Variants in CKS1B observed in about 807,000 individuals in gnomAD.
CKS1B encodes the protein CDC28 protein kinase regulatory subunit 1B.
A neutral mutation model predicts 12.2 loss-of-function variants in CKS1B; 5 were observed. The ratio of observed to expected loss-of-function variants is 0.41; its 90% CI spans 0.21 to 0.86. CKS1B has a LOEUF of 0.86. Among genes scored for constraint, CKS1B ranks in the 40% least tolerant of loss-of-function variants. The pLI is 0.32. For synonymous variants in CKS1B, 24 were observed against 34.4 expected (o/e 0.70, Z 1.06); for missense variants, 53 against 99.9 (o/e 0.53, Z 2.00).
At chr1:154,976,629 G>C (rs1657193426) in intron 1 of CKS1B, among the ~76,000 whole-genome samples, 1 of 152,200 alleles carries the variant, frequency 6.6e-6, no homozygotes. Flanking sequence ...GCTTATAAGA[G>C]ATTTGTGGAG....
intron 1 of CKS1B, chr1:154,977,729 T>C (rs976955078): frequency 2.3e-6 from 1 of 435,782 alleles, no homozygotes; most frequent in Non-Finnish European, 4.1e-6. Context: ...ATAAGGTCCA[T>C]GAAGGCGGAG....
At position 154,974,771 on chromosome 1, in the gene CKS1B, C is replaced by T; in HGVS notation, c.26C>T (p.Ser9Leu). The stretch of plus-strand genomic sequence containing the variant: ...ATGTCGCACAAACAAATTTACTATT[C>T]GGACAAATACGACGACGAGGAGTTT... The part of the protein sequence containing the change: MSHKQIYY[S>L]DKYDDEEFEY... The change falls in exon 1 of 3, where the codon TCG (serine) becomes TTG (leucine). Residue 9 changes from serine (S) to leucine (L), a missense_variant. Ser to Leu is a moderately radical substitution (Grantham distance 145, BLOSUM62 -2). Coordinates refer to ENST00000308987, the MANE Select transcript of CKS1B (RefSeq NM_001826.3). 1 of 1,612,546 alleles carries T rather than the reference C, an allele frequency of 6.2e-7. No individual in the cohort carries two copies. Among genetic ancestry groups the T allele is most frequent in the South Asian group, 1.1e-5 (1 of 90,860 alleles).
chr1:154,975,753 C>T (rs2102226846), intron 1 of CKS1B: 1 of 154,952 alleles, frequency 6.5e-6, no homozygotes, highest in Admixed American at 6.5e-5. Context: ...GGTCTTCTTC[C>T]CTGGGCTTGG....
intron 2 of CKS1B, 43 bp downstream of exon 2, chr1:154,978,157 TGA>T (rs747736332): frequency 1.3e-6 from 2 of 1,585,558 alleles, no homozygotes; most frequent in Non-Finnish European, 1.7e-6. Flanking sequence ...ACTGCTACAC[TGA>T]GAGAATGAAA....
At position 154,978,036 on chromosome 1, in the gene CKS1B, C is replaced by A. The variant is rs757999834; in HGVS notation, c.109C>A (p.Leu37Met). 1.4e-5 allele frequency: 22 copies of A among 1,614,004 alleles called. No individual in the cohort carries two copies. The Admixed American group carries it at 3.2e-4, about 23-fold the overall frequency. Residue 37 changes from leucine (L) to methionine (M), a missense_variant, in exon 2 of 3, where the codon CTG (leucine) becomes ATG (methionine). Coordinates refer to ENST00000308987, the MANE Select transcript of CKS1B (RefSeq NM_001826.3). ...DIAKLVPKTH[L>M]MSESEWRNLG... Reference sequence around the variant, plus strand: ...AGCCAAGCTGGTCCCTAAAACCCATCTGATGTCTGAATCTGAATGGAGGAA... The same window carrying A: ...AGCCAAGCTGGTCCCTAAAACCCATATGATGTCTGAATCTGAATGGAGGAA...
intron 2 of CKS1B, 72 bp downstream of exon 2, chr1:154,978,186 C>A: frequency 6.9e-7 from 1 of 1,455,134 alleles, no homozygotes; most frequent in Non-Finnish European, 9.3e-7. Context: ...GATTGTATAA[C>A]CCAAATAGGG....
intron 1 of CKS1B, among the ~76,000 whole-genome samples, chr1:154,977,070 T>G (rs1415313483): frequency 6.6e-6 from 1 of 152,212 alleles, no homozygotes; most frequent in African/African-American, 2.4e-5. Context: ...TTGCCCAGAC[T>G]GGAGTGCAGT....
chr1:154,978,250 TA>T (rs1301137776), intron 2 of CKS1B, 136 bp downstream of exon 2: 56 of 987,260 alleles, frequency 5.7e-5, no homozygotes, highest in East Asian at 5.9e-5. Flanking sequence ...GGGATTTTTT[TA>T]AAAAAAAACT....
rs754124704 is a variant in CKS1B at position 154,974,837 on chromosome 1, C to A, written c.59+33C>A. The A allele has an allele frequency of 5.0e-6, 8 of 1,613,874 alleles. No homozygotes were observed. In the East Asian group the frequency reaches 1.8e-4, roughly 36 times the overall value. On this transcript the variant is annotated intron_variant, in intron 1 of 2. Transcript: ENST00000308987. ...CTGGCGCGGGAGCAATAGCGAGGGT[C>A]GTGAGCTTTGGCCGCTGAGGGCACA...
chr1:154,978,157 T>A, intron 2 of CKS1B, 43 bp downstream of exon 2: 3 of 1,585,558 alleles, frequency 1.9e-6, no homozygotes, highest in Non-Finnish European at 2.6e-6. Flanking sequence ...ACTGCTACAC[T>A]GAGAGAATGA....
At chr1:154,976,804 T>C (rs939651285) in intron 1 of CKS1B, among the ~76,000 whole-genome samples, 3 of 152,204 alleles carry the variant, frequency 2.0e-5, no homozygotes, top group Non-Finnish European at 2.9e-5. Context: ...TTTTTTCTTT[T>C]AGGAGAATGG....
intron 1 of CKS1B, among the ~76,000 whole-genome samples, chr1:154,976,303 G>A (rs148582803): frequency 6.6e-6 from 1 of 152,310 alleles, no homozygotes; most frequent in African/African-American, 2.4e-5. Context: ...GCATAATCTA[G>A]ATTGGGAATA....
rs1657252552 is a variant in CKS1B, at chr1:154,978,790, A to G, written c.*13A>G. ...ACCAAAGAAATGAAGCTGGCAAGCT[A>G]CTTTTCAGCCTCAAGCTTTACACAG... On this transcript the variant is annotated 3_prime_UTR_variant, in exon 3 of 3. Coordinates refer to ENST00000308987, the MANE Select transcript of CKS1B (RefSeq NM_001826.3). 15 of 1,536,462 alleles carry G rather than the reference A, an allele frequency of 9.8e-6. No homozygotes were observed. Among genetic ancestry groups the G allele is most frequent in the African/African-American group, 2.7e-5 (2 of 73,406 alleles).
chr1:154,974,960 C>G, intron 1 of CKS1B, 156 bp downstream of exon 1: 1 of 1,609,412 alleles, frequency 6.2e-7, no homozygotes, highest in Non-Finnish European at 8.5e-7. Context: ...AAGGCGCATG[C>G]GCGGAGGTGG....
intron 1 of CKS1B, chr1:154,975,065 AC>A: frequency 1.2e-6 from 1 of 806,984 alleles, no homozygotes; most frequent in Non-Finnish European, 2.1e-6. Flanking sequence ...GACCACCCTC[AC>A]CCATGAGGCT....
Position 154,978,976 on chromosome 1 carries a change from C to T in CKS1B, c.*199C>T. ...CCACCATAGCCCAGCCAGATGAGTG[C>T]TCTGTGGACCCACAGCCTAAGCTGA... On this transcript the variant is annotated 3_prime_UTR_variant, in exon 3 of 3. Coordinates refer to ENST00000308987, the MANE Select transcript of CKS1B (RefSeq NM_001826.3). 1 of 573,542 alleles carries T rather than the reference C, an allele frequency of 1.7e-6. No individual in the cohort carries two copies. Among genetic ancestry groups the T allele is most frequent in the South Asian group, 2.0e-5 (1 of 50,660 alleles). The allele number at this position is 573,542 out of a possible 1,614,324, so 35.5% of individuals were successfully genotyped here. A position where few individuals can be genotyped will look rare whatever the true frequency, so the allele number is the denominator to read the frequency against.
intron 2 of CKS1B, chr1:154,978,517 TA>T (rs1657245946): frequency 3.4e-6 from 2 of 595,212 alleles, no homozygotes; most frequent in South Asian, 4.3e-5. Context: ...TGGGGCTGTA[TA>T]AACATAGCAA....
At chr1:154,974,846 T>C (rs1571467620) in intron 1 of CKS1B, 42 bp downstream of exon 1, 2 of 1,614,020 alleles carry the variant, frequency 1.2e-6, no homozygotes, top group Non-Finnish European at 1.7e-6. Flanking sequence ...TCGTGAGCTT[T>C]GGCCGCTGAG....
intron 2 of CKS1B, chr1:154,978,459 TA>T: frequency 1.8e-6 from 1 of 559,720 alleles, no homozygotes. Flanking sequence ...TATTTATTGA[TA>T]AGACACCAGA....
Sources: gnomAD v4.1 joint callset for allele counts (sites outside exome capture counted in the v4.1 genomes callset) on GRCh38, gnomAD v4.1.1 for gene constraint, MANE v1.5 for transcripts, NCBI Gene and HGNC (gene_info 2026-07-23, HGNC 2026-07-21) for gene names.